Variants in MICAL2 observed in about 807,000 individuals in gnomAD.
The protein encoded by MICAL2 is microtubule associated monooxygenase, calponin and LIM domain containing 2, also known as [F-actin]-monooxygenase MICAL2.
MICAL2 carries 77 observed loss-of-function variants against 127.3 expected under a neutral mutation model. The observed-to-expected ratio is 0.60, with a 90% CI of 0.50 to 0.73. MICAL2 has a LOEUF of 0.73. Among genes scored for constraint, MICAL2 ranks in the 30% least tolerant of loss-of-function variants. The pLI is 0.00. For synonymous variants in MICAL2, 570 were observed against 551.1 expected, an observed-to-expected ratio of 1.03 and a Z score of -0.48; for missense variants, 1,351 against 1,434.4, an observed-to-expected ratio of 0.94 and a Z score of 0.94.
downstream of MICAL2, among the ~76,000 whole-genome samples, chr11:12,292,693 G>A (rs1368420272): frequency 1.3e-5 from 2 of 152,368 alleles, no homozygotes; most frequent in Admixed American, 6.5e-5. Context: ...AACCTTGGAA[G>A]CAACATCTCC....
intron 15 of MICAL2, among the ~76,000 whole-genome samples, chr11:12,232,039 C>T (rs1288631019): frequency 6.6e-6 from 1 of 152,192 alleles, no homozygotes; most frequent in Non-Finnish European, 1.5e-5. Context: ...AACATGTACA[C>T]CATTGTATTG....
chr11:12,354,956 A>G, intron 34 of MICAL2: 1 of 1,136,604 alleles, frequency 8.8e-7, no homozygotes, highest in Non-Finnish European at 1.3e-6. Context: ...CCTGCCTGCC[A>G]GCCTGCAAGT....
chr11:12,222,501 A>G (rs1267723310), intron 10 of MICAL2, 116 bp from the exon 11 acceptor site: 1 of 1,362,020 alleles, frequency 7.3e-7, no homozygotes, highest in African/African-American at 1.4e-5. Flanking sequence ...GGGAAGGGTT[A>G]GACAAACATG....
At chr11:12,182,283 G>A (rs1857569772) in intron 3 of MICAL2, among the ~76,000 whole-genome samples, 1 of 152,150 alleles carries the variant, frequency 6.6e-6, no homozygotes, top group Non-Finnish European at 1.5e-5. Flanking sequence ...CATAGAGCTG[G>A]GAATAGAGGG....
chr11:12,136,197 A>T (rs977492439), intron 1 of MICAL2, among the ~76,000 whole-genome samples: 10 of 152,118 alleles, frequency 6.6e-5, no homozygotes, highest in Admixed American at 6.5e-4. Context: ...CACTGGCCTG[A>T]TGGCAAGTCC....
In MICAL2 at chr11:12,220,141, G is replaced by A. The variant is rs1590418267; in HGVS notation, c.949-60G>A. 35 of 1,597,002 alleles carry A rather than the reference G, an allele frequency of 2.2e-5. No individual in the cohort carries two copies. The South Asian group carries it at 3.7e-4, about 17-fold the overall frequency. On this transcript the variant is annotated intron_variant, in intron 8 of 27. Coordinates refer to ENST00000683283, the MANE Select transcript of MICAL2 (RefSeq NM_001282663.2). ...TTCCAAGTCCTTTTGCCAAGAGGTG[G>A]GTATGAAGGCTAGCCCTTTAGAGGG...
At chr11:12,345,159 G>A (rs1938934977) in intron 32 of MICAL2, among the ~76,000 whole-genome samples, 2 of 151,798 alleles carry the variant, frequency 1.3e-5, no homozygotes, top group African/African-American at 4.9e-5. Context: ...AAGATTGTGA[G>A]TATTTAGAAA....
chr11:12,264,111 C>T (rs543045052), downstream of MICAL2, among the ~76,000 whole-genome samples: 1 of 152,136 alleles, frequency 6.6e-6, no homozygotes. Flanking sequence ...GCTACCTTTA[C>T]CCGTTTCCCC....
At chr11:12,327,223 G>A (rs1445625292) in exon 32 of MICAL2, 1 of 1,551,416 alleles carries the variant, frequency 6.4e-7, no homozygotes, top group East Asian at 2.4e-5. Flanking sequence ...GGGCTTCTGA[G>A]ATCCAGGGTG....
At chr11:12,346,733 C>A (rs143141363) in intron 32 of MICAL2, among the ~76,000 whole-genome samples, 84 of 152,304 alleles carry the variant, frequency 5.5e-4, no homozygotes, top group Middle Eastern at 3.4e-3. Context: ...GGACCATGAG[C>A]TCCCAGTTAC....
chr11:12,330,679 G>T (rs762583102), intron 32 of MICAL2, among the ~76,000 whole-genome samples: 1 of 151,860 alleles, frequency 6.6e-6, no homozygotes, highest in Admixed American at 6.6e-5. Flanking sequence ...AAGCTCTCCC[G>T]CCCCCGGGAA....
At chr11:12,337,903 T>C (rs918857558) in intron 32 of MICAL2, among the ~76,000 whole-genome samples, 2 of 152,174 alleles carry the variant, frequency 1.3e-5, no homozygotes, top group Admixed American at 6.5e-5. Flanking sequence ...ATAGGTGTGG[T>C]GTGGTGCTGA....
intron 15 of MICAL2, among the ~76,000 whole-genome samples, chr11:12,234,344 G>A (rs1423897568): frequency 2.0e-5 from 3 of 151,966 alleles, no homozygotes; most frequent in Non-Finnish European, 2.9e-5. Flanking sequence ...TATGCATGAA[G>A]CATTCTTGTT....
chr11:12,126,946 A>G (rs968219841), intron 1 of MICAL2, among the ~76,000 whole-genome samples: 4 of 152,116 alleles, frequency 2.6e-5, no homozygotes, highest in Admixed American at 2.0e-4. Flanking sequence ...GTGCAGATGG[A>G]TAAGTTGGGA....
chr11:12,177,911 T>C (rs1318903240), intron 3 of MICAL2, among the ~76,000 whole-genome samples: 2 of 152,202 alleles, frequency 1.3e-5, no homozygotes, highest in African/African-American at 4.8e-5. Flanking sequence ...ATGACCCCGT[T>C]GAAGTAATCT....
At chr11:12,247,874 G>A (rs759401117) in intron 21 of MICAL2, among the ~76,000 whole-genome samples, 1 of 152,184 alleles carries the variant, frequency 6.6e-6, no homozygotes, top group Non-Finnish European at 1.5e-5. Flanking sequence ...ATTTTGGGCT[G>A]CTCTTTTTGC....
chr11:12,241,283 A>T, intron 18 of MICAL2, 121 bp downstream of exon 18: 4 of 1,264,502 alleles, frequency 3.2e-6, no homozygotes, highest in Non-Finnish European at 3.3e-6. Flanking sequence ...TTCTGGACAC[A>T]CCTTGATGTC....
intron 29 of MICAL2, among the ~76,000 whole-genome samples, chr11:12,317,869 T>A (rs1361660157): frequency 6.6e-6 from 1 of 152,166 alleles, no homozygotes; most frequent in Non-Finnish European, 1.5e-5. Flanking sequence ...GGCAACTATA[T>A]AACTTCTTTC....
chr11:12,149,278 C>G (rs183840333), intron 2 of MICAL2, among the ~76,000 whole-genome samples: 2 of 151,866 alleles, frequency 1.3e-5, no homozygotes, highest in African/African-American at 2.4e-5. Context: ...GCTGGAGGGG[C>G]GAGCTAGGGC....
Sources: allele counts gnomAD v4.1 joint callset (sites outside exome capture counted in the v4.1 genomes callset), GRCh38; gene constraint gnomAD v4.1.1; transcripts MANE v1.5; gene names NCBI Gene and HGNC (gene_info 2026-07-23, HGNC 2026-07-21).